Variants in MRPL48 observed in about 807,000 individuals in gnomAD.
The protein encoded by MRPL48 is mitochondrial ribosomal protein L48, also known as large ribosomal subunit protein mL48.
Under a neutral mutation model 32.9 loss-of-function variants are expected in MRPL48, and 16 were observed. The observed-to-expected ratio is 0.49, with a 90% CI of 0.33 to 0.74. MRPL48 has a LOEUF of 0.74. MRPL48 is among the 30% of genes least tolerant of loss of function. The probability of loss-of-function intolerance (pLI) is 0.02; values close to 1 mark genes in which losing one functional copy is unlikely to be tolerated. For synonymous variants in MRPL48, 94 were observed against 89.2 expected (o/e 1.05, Z -0.31); for missense variants, 206 against 245.3 (o/e 0.84, Z 1.07).
intron 3 of MRPL48, among the ~76,000 whole-genome samples, chr11:73,810,572 T>G (rs76284387): frequency 0.054 from 8,163 of 151,320 alleles, 358 homozygotes; most frequent in East Asian, 0.18. Context: ...TTTTTTTTTT[T>G]ATTGTAATTT....
intron 4 of MRPL48, among the ~76,000 whole-genome samples, chr11:73,827,014 G>A (rs943643578): frequency 3.9e-5 from 6 of 151,926 alleles, no homozygotes; most frequent in Admixed American, 6.6e-5. Flanking sequence ...GACCTCAGGT[G>A]ATCTGCCTGC....
At chr11:73,807,835 C>T (rs1178383593) in intron 2 of MRPL48, among the ~76,000 whole-genome samples, 3 of 152,000 alleles carry the variant, frequency 2.0e-5, no homozygotes, top group South Asian at 2.1e-4. Context: ...GACGGGGTTT[C>T]GCCATATTGG....
Position 73,787,930 on chromosome 11 carries a change from G to T in MRPL48, c.-42G>T. ...CCCTGGGAACGCGGCTGCAGGGTCC[G>T]GTCTTCGGTTTGCACAGCTAGAGGC... On this transcript the variant is annotated 5_prime_UTR_variant, in exon 1 of 8. Transcript: ENST00000310614. 6.2e-7 allele frequency: 1 copy of T among 1,607,326 alleles called. No individual in the cohort carries two copies. Among genetic ancestry groups the T allele is most frequent in the East Asian group, 2.3e-5 (1 of 44,440 alleles).
At chr11:73,805,562 C>T (rs1385470108) in intron 2 of MRPL48, among the ~76,000 whole-genome samples, 2 of 151,846 alleles carry the variant, frequency 1.3e-5, no homozygotes, top group South Asian at 4.2e-4. Context: ...TCCCAAATTG[C>T]TGGAATTACA....
intron 5 of MRPL48, chr11:73,845,251 TATAAATGA>T: frequency 3.8e-6 from 1 of 264,602 alleles, no homozygotes; most frequent in Non-Finnish European, 7.1e-6. Context: ...CAGAATATCA[TATAAATGA>T]AATCACACAG....
intron 3 of MRPL48, among the ~76,000 whole-genome samples, chr11:73,815,882 C>A (rs1261734275): frequency 6.7e-6 from 1 of 148,418 alleles, no homozygotes; most frequent in East Asian, 2.0e-4. Flanking sequence ...TGCCACCATG[C>A]TTGACTTTTA....
intron 3 of MRPL48, among the ~76,000 whole-genome samples, chr11:73,813,827 G>A (rs1433398998): frequency 2.6e-5 from 4 of 151,524 alleles, no homozygotes; most frequent in African/African-American, 9.7e-5. Context: ...GGATCACAAA[G>A]TCAGGAGATC....
At chr11:73,799,887 C>A (rs1407082481) in intron 1 of MRPL48, among the ~76,000 whole-genome samples, 2 of 152,102 alleles carry the variant, frequency 1.3e-5, no homozygotes, top group African/African-American at 4.8e-5. Flanking sequence ...TTTTGAATGG[C>A]TATTATCATT....
chr11:73,839,294 T>C lies in MRPL48; in HGVS notation c.202-5513T>C, dbSNP rs142990808. Among the ~76,000 whole-genome samples the C allele has an allele frequency of 7.7e-4, 117 of 152,296 alleles. 2 individuals are homozygous for C. The East Asian group carries it at 0.02, about 26-fold the overall frequency. On this transcript the variant is annotated intron_variant, in intron 4 of 7. Transcript: ENST00000310614. ...TGCTCTGTTAGGAACAATGCTGCTG[T>C]GGAAGCCCCTAGACTGTTGGCTATT...
In MRPL48 at chr11:73,825,414, G is replaced by A. The variant is rs375308659; in HGVS notation, c.113-294G>A. 6.3e-4 allele frequency among the ~76,000 whole-genome samples: 96 copies of A among 151,850 alleles called. No homozygotes were observed. The East Asian group carries it at 7.3e-3, about 12-fold the overall frequency. ...TCCTGGCACCCTGGGAGGCTGAGGT[G>A]GGAGGAGCTGCAGACCAGCTTGGGC... On this transcript the variant is annotated intron_variant, in intron 3 of 7. Coordinates refer to ENST00000310614, the MANE Select transcript of MRPL48 (RefSeq NM_016055.6).
intron 1 of MRPL48, among the ~76,000 whole-genome samples, chr11:73,788,547 C>G (rs1947092411): frequency 6.9e-6 from 1 of 145,842 alleles, no homozygotes; most frequent in Non-Finnish European, 1.5e-5. Flanking sequence ...GATCCCGGCT[C>G]ACCACAACCT....
intron 5 of MRPL48, chr11:73,850,898 G>C: frequency 8.1e-6 from 2 of 247,814 alleles, no homozygotes; most frequent in South Asian, 9.4e-5. Context: ...GGATGGTCTC[G>C]ATCTCCTGAC....
At position 73,844,838 on chromosome 11, in the gene MRPL48, G is replaced by A. The variant is rs753857590; in HGVS notation, c.233G>A (p.Arg78Lys). 3.1e-6 allele frequency: 5 copies of A among 1,613,554 alleles called. No homozygotes were observed. In the South Asian group the frequency reaches 4.4e-5, roughly 14 times the overall value. The part of the protein sequence containing the change: ...PKKKKGKVEV[R>K]AINLGTDYEY... Reference sequence around the variant, plus strand: ...AAGAAGAAGGGAAAAGTGGAAGTGAGAGCCATTAATTTGGGGACAGATTAT... The same window carrying A: ...AAGAAGAAGGGAAAAGTGGAAGTGAAAGCCATTAATTTGGGGACAGATTAT... Residue 78 changes from arginine (R) to lysine (K), a missense_variant, in exon 5 of 8, where the codon AGA (arginine) becomes AAA (lysine). By Grantham distance (26) the Arg-to-Lys change is conservative. Transcript: ENST00000310614.
chr11:73,848,977 A>G (rs1433441188), intron 5 of MRPL48, among the ~76,000 whole-genome samples: 4 of 151,864 alleles, frequency 2.6e-5, no homozygotes, highest in African/African-American at 7.3e-5. Flanking sequence ...GTGTGCCACC[A>G]TGCCTGGCTA....
At chr11:73,791,698 C>T (rs570295858) in intron 1 of MRPL48, among the ~76,000 whole-genome samples, 3 of 152,294 alleles carry the variant, frequency 2.0e-5, no homozygotes, top group African/African-American at 4.8e-5. Flanking sequence ...GGATAACAGG[C>T]GTGAGCCACT....
chr11:73,858,040 CT>C (rs1948517010), intron 5 of MRPL48, among the ~76,000 whole-genome samples: 1 of 152,202 alleles, frequency 6.6e-6, no homozygotes. Flanking sequence ...ACAATTCCCA[CT>C]TTAGTCAGTC....
chr11:73,826,278 C>T (rs186511143), intron 4 of MRPL48, among the ~76,000 whole-genome samples: 5 of 152,076 alleles, frequency 3.3e-5, no homozygotes, highest in Admixed American at 1.3e-4. Context: ...CTTCAGCCTC[C>T]GGAAGCATAG....
intron 1 of MRPL48, among the ~76,000 whole-genome samples, chr11:73,798,561 GT>G (rs1438834734): frequency 6.6e-6 from 1 of 152,182 alleles, no homozygotes; most frequent in African/African-American, 2.4e-5. Context: ...AGGGAGATGG[GT>G]TTGGGCTTTC....
chr11:73,827,129 A>C (rs189387102), intron 4 of MRPL48, among the ~76,000 whole-genome samples: 1 of 151,750 alleles, frequency 6.6e-6, no homozygotes, highest in Non-Finnish European at 1.5e-5. Flanking sequence ...TTACACCTGT[A>C]ATCCCAGCAA....
Sources: allele counts gnomAD v4.1 joint callset (sites outside exome capture counted in the v4.1 genomes callset), GRCh38; gene constraint gnomAD v4.1.1; transcripts MANE v1.5; gene names NCBI Gene and HGNC (gene_info 2026-07-23, HGNC 2026-07-21).